Variants in SMG1 observed in about 807,000 individuals in gnomAD.
SMG1 encodes SMG1 nonsense mediated mRNA decay associated PI3K related kinase, also known as serine/threonine-protein kinase SMG1.
Under a neutral mutation model 419.9 loss-of-function variants are expected in SMG1, and 22 were observed. That is an observed-to-expected ratio of 0.05 (90% CI 0.04 to 0.07). The LOEUF (loss-of-function observed/expected upper bound fraction) is 0.07. SMG1 is among the 10% of genes least tolerant of loss of function. The probability of loss-of-function intolerance (pLI) is 1.00; values close to 1 mark genes in which losing one functional copy is unlikely to be tolerated. For missense variants in SMG1, 3,185 were observed against 4,342.0 expected, an observed-to-expected ratio of 0.73 and a Z score of 7.49; for synonymous variants, 1,538 against 1,553.5, an observed-to-expected ratio of 0.99 and a Z score of 0.23.
chr16:18,837,924 T>G, intron 45 of SMG1, 90 bp downstream of exon 45: 1 of 1,412,074 alleles, frequency 7.1e-7, no homozygotes, highest in Non-Finnish European at 9.7e-7. Context: ...CCAAAAAAAT[T>G]AGAGAAACAA....
intron 13 of SMG1, chr16:18,875,184 TG>T (rs2036054482): frequency 6.6e-6 from 1 of 152,608 alleles, no homozygotes; most frequent in South Asian, 2.1e-4. Context: ...AGATCAGGTG[TG>T]GGATTTTCCA....
At chr16:18,814,253 G>A (rs2031771991) in intron 60 of SMG1, among the ~76,000 whole-genome samples, 1 of 151,802 alleles carries the variant, frequency 6.6e-6, no homozygotes, top group Admixed American at 6.6e-5. Context: ...ATCAACAAAT[G>A]CAGAGTGGTT....
intron 6 of SMG1, 30 bp downstream of exon 6, chr16:18,889,342 C>T (rs779039440): frequency 3.9e-6 from 2 of 506,770 alleles, no homozygotes; most frequent in African/African-American, 2.1e-5. Context: ...TTCCCAAGTA[C>T]ATCATGCATT....
intron 59 of SMG1, 56 bp from the exon 60 acceptor site, chr16:18,815,337 T>C (rs1340534834): frequency 1.7e-5 from 26 of 1,539,374 alleles, no homozygotes; most frequent in Non-Finnish European, 2.2e-5. Flanking sequence ...ATACTACTTA[T>C]AAAAATATGA....
intron 1 of SMG1, among the ~76,000 whole-genome samples, chr16:18,919,144 T>A (rs1307414124): frequency 6.6e-6 from 1 of 151,726 alleles, no homozygotes; most frequent in Non-Finnish European, 1.5e-5. Context: ...CTGGTCGACA[T>A]GGTGAAACCC....
intron 13 of SMG1, among the ~76,000 whole-genome samples, chr16:18,873,887 CT>C (rs2035961340): frequency 6.6e-6 from 1 of 152,168 alleles, no homozygotes; most frequent in African/African-American, 2.4e-5. Flanking sequence ...CTCCTTATTT[CT>C]AGAGTACAGG....
intron 1 of SMG1, among the ~76,000 whole-genome samples, chr16:18,919,694 ACACAC>A (rs1350682322): frequency 7.2e-6 from 1 of 138,136 alleles, no homozygotes; most frequent in African/African-American, 2.8e-5. Context: ...ACACACACAC[ACACAC>A]AATCTCCCTA....
At chr16:18,904,693 T>C (rs548221311) in intron 1 of SMG1, among the ~76,000 whole-genome samples, 1 of 152,062 alleles carries the variant, frequency 6.6e-6, no homozygotes, top group African/African-American at 2.4e-5. Flanking sequence ...TCCCAGCACT[T>C]TGGGAGGCCG....
rs867611117 is a variant in SMG1 at position 18,858,257 on chromosome 16, G to A, written c.4147C>T (p.Arg1383Cys). ...CLIPLFSEALRSCKQHDVRPW... is the reference protein window; with the variant it reads ...CLIPLFSEALCSCKQHDVRPW... ...CTCACGTCATGCTGTTTACATGAAC[G>A]TAAAGCTTCACTGAAGAGTGGAATA... The change falls in exon 29 of 63, where the codon CGT (arginine) becomes TGT (cysteine). Residue 1383 changes from arginine to cysteine, a missense_variant. Arg to Cys is a radical substitution (Grantham distance 180). Coordinates refer to ENST00000446231, the MANE Select transcript of SMG1 (RefSeq NM_015092.5). 4.7e-5 allele frequency: 75 copies of A among 1,608,712 alleles called. No individual in the cohort carries two copies. The highest frequency in any genetic ancestry group is 5.7e-5 in the Non-Finnish European group (67 of 1,177,732).
At position 18,805,069 on chromosome 16, in the gene SMG1, A is replaced by G. The variant is rs1417930326; in HGVS notation, c.*4500T>C. The G allele has an allele frequency of 2.0e-5, 3 of 152,668 alleles. No individual in the cohort carries two copies. The highest frequency in any genetic ancestry group is 2.0e-4 in the Admixed American group (3 of 15,290). The allele number at this position is 152,668 out of a possible 1,614,324, so 9.5% of individuals were successfully genotyped here. A position where few individuals can be genotyped will look rare whatever the true frequency, so the allele number is the denominator to read the frequency against. ...AGGCATTACAACCTTTTGTACAGAA[A>G]AGCCACTATTTATACATTGTTACTA... is the stretch of plus-strand genomic sequence containing the variant. On this transcript the variant is annotated 3_prime_UTR_variant, in exon 63 of 63. Coordinates refer to ENST00000446231, the MANE Select transcript of SMG1 (RefSeq NM_015092.5).
At chr16:18,818,766 T>TC (rs1268461353) in intron 56 of SMG1, among the ~76,000 whole-genome samples, 2 of 151,806 alleles carry the variant, frequency 1.3e-5, no homozygotes, top group African/African-American at 4.8e-5. Context: ...AATAGTTTTT[T>TC]TGGTTCTCCT....
rs778749054 is a variant in SMG1 at position 18,848,037 on chromosome 16, T to C, written c.5624-4A>G. The stretch of plus-strand genomic sequence containing the variant: ...ATTGCAGTGGAAAATTTATTTCCTG[T>C]AATGAAATAGGAGAACAAGGAATAT... On this transcript the variant is annotated splice_region_variant and splice_polypyrimidine_tract_variant and intron_variant, in intron 36 of 62. Transcript: ENST00000446231. 8 of 1,605,298 alleles carry C rather than the reference T, an allele frequency of 5.0e-6. No individual in the cohort carries two copies. In the South Asian group the frequency reaches 6.6e-5, roughly 13 times the overall value.
At chr16:18,919,655 TATACACACACACACACACAC>T (rs1367224818) in intron 1 of SMG1, among the ~76,000 whole-genome samples, 3 of 79,970 alleles carry the variant, frequency 3.8e-5, no homozygotes, top group Non-Finnish European at 7.5e-5. Context: ...TGTGTGTATA[TATACACACACACACACACAC>T]ACACACACAC....
chr16:18,885,516 C>G (rs1249025373), intron 7 of SMG1, 25 bp downstream of exon 7: 5 of 1,595,756 alleles, frequency 3.1e-6, no homozygotes, highest in Admixed American at 1.7e-5. Context: ...ACCCCATGAT[C>G]TGAAAAGCGG....
Position 18,925,246 on chromosome 16 carries a change from C to A in SMG1, c.92+704G>T, listed in dbSNP as rs533505379. 4 of 152,296 alleles carry A rather than the reference C, an allele frequency of 2.6e-5. No homozygotes were observed. In the South Asian group the frequency reaches 8.3e-4, roughly 32 times the overall value. The allele number at this position is 152,296 out of a possible 1,614,324, so 9.4% of individuals were successfully genotyped here. A position where few individuals can be genotyped will look rare whatever the true frequency, so the allele number is the denominator to read the frequency against. On this transcript the variant is annotated intron_variant, in intron 1 of 62. Transcript: ENST00000446231. ...CAAAACGGTCTGAGATCAAATCCTC[C>A]ATAAATGAGGAAATTCTCTAGACTT... is the stretch of plus-strand genomic sequence containing the variant.
chr16:18,904,931 T>C (rs2037499405), intron 1 of SMG1, among the ~76,000 whole-genome samples: 1 of 149,650 alleles, frequency 6.7e-6, no homozygotes, highest in South Asian at 2.1e-4. Context: ...AGACTCCATC[T>C]CAAAAAACAA....
At chr16:18,874,931 A>C (rs1486846162) in intron 13 of SMG1, among the ~76,000 whole-genome samples, 1 of 144,968 alleles carries the variant, frequency 6.9e-6, no homozygotes, top group Non-Finnish European at 1.5e-5. Flanking sequence ...CCCTAAAAGA[A>C]GGACTACGGG....
At chr16:18,851,186 G>C (rs2034570055) in intron 33 of SMG1, among the ~76,000 whole-genome samples, 1 of 152,256 alleles carries the variant, frequency 6.6e-6, no homozygotes, top group Non-Finnish European at 1.5e-5. Context: ...GAGAGACTTA[G>C]ATACGCTGCT....
intron 60 of SMG1, among the ~76,000 whole-genome samples, chr16:18,812,611 CAT>C (rs1313711335): frequency 3.6e-5 from 3 of 83,544 alleles, no homozygotes; most frequent in Non-Finnish European, 5.3e-5. Flanking sequence ...CATATATATA[CAT>C]ACACACATAT....
Sources: allele counts gnomAD v4.1 joint callset (sites outside exome capture counted in the v4.1 genomes callset), GRCh38; gene constraint gnomAD v4.1.1; transcripts MANE v1.5; gene names NCBI Gene and HGNC (gene_info 2026-07-23, HGNC 2026-07-21).